SGCD: variants seen among roughly 807,000 people sequenced by gnomAD.
SGCD encodes the protein delta-sarcoglycan.
Under a neutral mutation model 36.6 loss-of-function variants are expected in SGCD, and 18 were observed. The ratio of observed to expected loss-of-function variants is 0.49; its 90% CI spans 0.34 to 0.73. The LOEUF (loss-of-function observed/expected upper bound fraction) is 0.73, where lower values mean the gene tolerates loss of function less well. SGCD is among the 30% of genes least tolerant of loss of function. The pLI, the probability that SGCD is intolerant of heterozygous loss-of-function variation, is 0.01. For missense variants in SGCD, 387 were observed against 346.7 expected, an observed-to-expected ratio of 1.12 and a Z score of -0.92; for synonymous variants, 133 against 130.6, an observed-to-expected ratio of 1.02 and a Z score of -0.12.
intron 1 of SGCD, among the ~76,000 whole-genome samples, chr5:155,947,424 A>T (rs1581006556): frequency 6.6e-6 from 1 of 151,918 alleles, no homozygotes; most frequent in East Asian, 1.9e-4. Flanking sequence ...CTAAAAAAAG[A>T]TGGAACTTTT....
intron 3 of SGCD, among the ~76,000 whole-genome samples, chr5:156,395,629 C>T (rs1460978219): frequency 6.6e-6 from 1 of 152,198 alleles, no homozygotes; most frequent in Non-Finnish European, 1.5e-5. Context: ...ATGTACCAAG[C>T]TCTGTGCTAA....
At chr5:156,321,432 C>CAAACAAACAAAT (rs1428571502) in intron 3 of SGCD, among the ~76,000 whole-genome samples, 1 of 151,752 alleles carries the variant, frequency 6.6e-6, no homozygotes, top group African/African-American at 2.4e-5. Context: ...AATAAATAAA[C>CAAACAAACAAAT]AAATAAATAA....
chr5:156,394,004 A>G (rs1771721661), intron 3 of SGCD: 1 of 354,298 alleles, frequency 2.8e-6, no homozygotes, highest in Non-Finnish European at 5.6e-6. Flanking sequence ...AACTAATTAC[A>G]TCAATTGTGA....
intron 3 of SGCD, among the ~76,000 whole-genome samples, chr5:156,168,644 A>G (rs1763269450): frequency 6.6e-6 from 1 of 152,248 alleles, no homozygotes; most frequent in Admixed American, 6.5e-5. Flanking sequence ...TGTGCTACCA[A>G]GAAACAAAAA....
chr5:156,739,629 G>A (rs1756562584), intron 7 of SGCD: 1 of 152,114 alleles, frequency 6.6e-6, no homozygotes, highest in African/African-American at 2.4e-5. Context: ...CAGAATGCTT[G>A]TCTTTATAAA....
rs187967406 is a variant in SGCD, at chr5:156,575,764, T to C, written c.295-13467T>C. 1.7e-3 allele frequency among the ~76,000 whole-genome samples: 255 copies of C among 151,668 alleles called. 2 individuals carry two copies. The highest frequency in any genetic ancestry group is 1.2e-3 in the Non-Finnish European group (83 of 67,808). On this transcript the variant is annotated intron_variant, in intron 4 of 8. Coordinates refer to ENST00000337851, the MANE Select transcript of SGCD (RefSeq NM_000337.6). ...CATGTACTTTAAGCAAAAAAAAATATGATTAAATAAATTTTGGAGCGATTG... is the reference window on the plus strand; with the variant it reads ...CATGTACTTTAAGCAAAAAAAAATACGATTAAATAAATTTTGGAGCGATTG...
chr5:156,253,774 A>G (rs1765641912), intron 3 of SGCD, among the ~76,000 whole-genome samples: 1 of 152,194 alleles, frequency 6.6e-6, no homozygotes, highest in Non-Finnish European at 1.5e-5. Context: ...CCTCTAGCTG[A>G]AAGTCCAGGT....
chr5:155,849,668 G>A, the SGCD span, among the ~76,000 whole-genome samples: 1 of 152,160 alleles, frequency 6.6e-6, no homozygotes, highest in African/African-American at 2.4e-5. Flanking sequence ...AGTGTGAGAT[G>A]TAGAATATGT....
chr5:155,775,211 A>T, the SGCD span, among the ~76,000 whole-genome samples: 19 of 152,170 alleles, frequency 1.2e-4, no homozygotes, highest in Admixed American at 2.6e-4. Flanking sequence ...TGATGTCTTT[A>T]TTGTATTTTC....
the SGCD span, among the ~76,000 whole-genome samples, chr5:155,808,037 G>T: frequency 6.6e-6 from 1 of 152,186 alleles, no homozygotes; most frequent in Non-Finnish European, 1.5e-5. Context: ...TAAAAAATAA[G>T]CCTTGGATGA....
intron 7 of SGCD, among the ~76,000 whole-genome samples, chr5:156,686,447 A>G (rs1753908315): frequency 6.6e-6 from 1 of 152,172 alleles, no homozygotes; most frequent in African/African-American, 2.4e-5. Context: ...GTAGAAGCCA[A>G]GGTTGCTTTG....
the SGCD span, among the ~76,000 whole-genome samples, chr5:155,797,018 T>A: frequency 6.6e-6 from 1 of 151,866 alleles, no homozygotes; most frequent in Non-Finnish European, 1.5e-5. Flanking sequence ...ATAGCAAAAC[T>A]AATCAAGGAA....
chr5:155,940,001 T>C (rs1757291043), intron 1 of SGCD, among the ~76,000 whole-genome samples: 1 of 151,952 alleles, frequency 6.6e-6, no homozygotes, highest in South Asian at 2.1e-4. Flanking sequence ...GCCCGGCTAA[T>C]TTTTGTATTT....
intron 3 of SGCD, among the ~76,000 whole-genome samples, chr5:156,494,816 A>G (rs1464711655): frequency 1.3e-5 from 2 of 151,980 alleles, no homozygotes; most frequent in Non-Finnish European, 2.9e-5. Flanking sequence ...GGCTGATGCC[A>G]TTCTTGGTGA....
intron 1 of SGCD, among the ~76,000 whole-genome samples, chr5:156,041,558 TC>T (rs1187390142): frequency 6.6e-6 from 1 of 152,208 alleles, no homozygotes; most frequent in African/African-American, 2.4e-5. Flanking sequence ...TTGAAGTTAT[TC>T]ATTTATCATT....
intron 3 of SGCD, among the ~76,000 whole-genome samples, chr5:156,132,879 T>C (rs1308189882): frequency 3.3e-5 from 5 of 152,196 alleles, no homozygotes; most frequent in Non-Finnish European, 7.3e-5. Context: ...AATATCTTAG[T>C]GTCAAACATG....
intron 3 of SGCD, among the ~76,000 whole-genome samples, chr5:156,265,933 A>G (rs1765989647): frequency 1.3e-5 from 2 of 152,168 alleles, no homozygotes; most frequent in Non-Finnish European, 2.9e-5. Context: ...CTAATAAATA[A>G]TGACTATTAC....
At chr5:155,865,408 A>G (rs1755504183), upstream of SGCD, among the ~76,000 whole-genome samples, 1 of 152,292 alleles carries the variant, frequency 6.6e-6, no homozygotes, top group South Asian at 2.1e-4. Context: ...GTTGAAGTAT[A>G]TGAAGAAAAT....
At chr5:155,788,806 A>C in the SGCD span, among the ~76,000 whole-genome samples, 1 of 152,182 alleles carries the variant, frequency 6.6e-6, no homozygotes, top group African/African-American at 2.4e-5. Flanking sequence ...CACTAGGCAG[A>C]ACATCCTGTG....
Sources: gnomAD v4.1 joint callset for allele counts (sites outside exome capture counted in the v4.1 genomes callset) on GRCh38, gnomAD v4.1.1 for gene constraint, MANE v1.5 for transcripts, NCBI Gene and HGNC (gene_info 2026-07-23, HGNC 2026-07-21) for gene names.